Variants in DLC1 observed in about 807,000 individuals in gnomAD.
DLC1 encodes DLC1 Rho GTPase activating protein.
Under a neutral mutation model 140.3 loss-of-function variants are expected in DLC1, and 54 were observed. The observed-to-expected ratio is 0.38, with a 90% CI of 0.31 to 0.48. The LOEUF is 0.48. Ranked by LOEUF, DLC1 falls within the 20% of genes least tolerant of loss-of-function variation. The pLI is 0.96. For missense variants in DLC1, 2,536 were observed against 1,907.0 expected, an observed-to-expected ratio of 1.33 and a Z score of -6.14; for synonymous variants, 986 against 728.1, an observed-to-expected ratio of 1.35 and a Z score of -5.70.
At chr8:13,251,246 A>G (rs1234963538) in intron 5 of DLC1, among the ~76,000 whole-genome samples, 1 of 152,130 alleles carries the variant, frequency 6.6e-6, no homozygotes, top group Non-Finnish European at 1.5e-5. Flanking sequence ...CACTTACCCC[A>G]ATTATCTCCT....
At chr8:13,443,655 C>T (rs1798642185) in intron 2 of DLC1, among the ~76,000 whole-genome samples, 1 of 100,200 alleles carries the variant, frequency 1.0e-5, no homozygotes, top group Admixed American at 1.2e-4. Flanking sequence ...GAGACTCCGT[C>T]TCAAAAAAAA....
chr8:13,251,388 G>A (rs2410043), intron 5 of DLC1, among the ~76,000 whole-genome samples: 38,092 of 151,922 alleles, frequency 0.25, 5,098 homozygotes, highest in South Asian at 0.34. Context: ...TGGCAATTTC[G>A]TACTGGATTG....
chr8:13,360,644 T>A (rs1197279601), intron 4 of DLC1, among the ~76,000 whole-genome samples: 2 of 152,174 alleles, frequency 1.3e-5, no homozygotes, highest in Non-Finnish European at 2.9e-5. Context: ...AAAGACTTAC[T>A]CTGTGTTTTT....
At chr8:13,172,173 T>G (rs1350483604) in intron 5 of DLC1, among the ~76,000 whole-genome samples, 1 of 152,220 alleles carries the variant, frequency 6.6e-6, no homozygotes, top group Non-Finnish European at 1.5e-5. Flanking sequence ...TCTGAAGTAT[T>G]AAAGTGGTAA....
intron 1 of DLC1, among the ~76,000 whole-genome samples, chr8:13,546,439 G>A (rs1803650724): frequency 6.6e-6 from 1 of 151,982 alleles, no homozygotes; most frequent in African/African-American, 2.4e-5. Context: ...CCTTTATATT[G>A]AACTTAACAA....
At chr8:13,118,172 C>T (rs1820740268) in intron 5 of DLC1, among the ~76,000 whole-genome samples, 1 of 151,968 alleles carries the variant, frequency 6.6e-6, no homozygotes, top group South Asian at 2.1e-4. Context: ...CTGTGCCTGG[C>T]TGTCTCTCTT....
intron 2 of DLC1, among the ~76,000 whole-genome samples, chr8:13,427,591 T>C (rs1441136510): frequency 1.3e-5 from 2 of 152,206 alleles, no homozygotes; most frequent in East Asian, 1.9e-4. Context: ...CCTCGAAATA[T>C]TTGATTCATT....
At chr8:13,167,553 T>C (rs1825191111) in intron 5 of DLC1, among the ~76,000 whole-genome samples, 1 of 152,180 alleles carries the variant, frequency 6.6e-6, no homozygotes, top group Admixed American at 6.5e-5. Context: ...TCTTTGTGGC[T>C]TGATGGGTGA....
At chr8:13,089,049 A>G (rs1817813835) in intron 15 of DLC1, among the ~76,000 whole-genome samples, 1 of 152,036 alleles carries the variant, frequency 6.6e-6, no homozygotes, top group South Asian at 2.1e-4. Context: ...ATCTGAGGTC[A>G]GGAGTTCAAG....
At chr8:13,461,767 T>A (rs1799671176) in intron 2 of DLC1, among the ~76,000 whole-genome samples, 1 of 152,174 alleles carries the variant, frequency 6.6e-6, no homozygotes, top group South Asian at 2.1e-4. Context: ...ATCTCACAGC[T>A]AAGTAGTGGC....
At chr8:13,120,233 C>T (rs1221249103) in intron 5 of DLC1, among the ~76,000 whole-genome samples, 16 of 150,030 alleles carry the variant, frequency 1.1e-4, no homozygotes, top group Admixed American at 2.7e-4. Context: ...GTCCCAGCTA[C>T]GCAGGAGGCT....
At chr8:13,414,797 AT>A in intron 2 of DLC1, among the ~76,000 whole-genome samples, 1 of 151,848 alleles carries the variant, frequency 6.6e-6, no homozygotes, top group African/African-American at 2.4e-5. Context: ...CGATGTTATC[AT>A]TTTTTTTGAG....
chr8:13,132,625 C>A lies in DLC1; in HGVS notation c.1349-16968G>T, dbSNP rs1030401661. 8.5e-4 allele frequency among the ~76,000 whole-genome samples: 129 copies of A among 152,248 alleles called. 1 individual carries two copies. Among genetic ancestry groups the A allele is most frequent in the Non-Finnish European group, 1.8e-4 (12 of 68,012 alleles). Reference sequence around the variant, plus strand: ...CGAGCCAGAGCCGCGAGCCCCCGCCCGGCTCAAGGAGGAAAGTGAACCAGG... The same window carrying A: ...CGAGCCAGAGCCGCGAGCCCCCGCCAGGCTCAAGGAGGAAAGTGAACCAGG... On this transcript the variant is annotated intron_variant, in intron 5 of 17. Transcript: ENST00000276297.
intron 5 of DLC1, among the ~76,000 whole-genome samples, chr8:13,253,699 C>A (rs868668274): frequency 1.3e-5 from 2 of 152,168 alleles, no homozygotes; most frequent in South Asian, 4.1e-4. Context: ...GCCTGCTTTC[C>A]CCAGGCTGCA....
chr8:13,241,665 C>G (rs1041763616), intron 5 of DLC1, among the ~76,000 whole-genome samples: 1 of 152,182 alleles, frequency 6.6e-6, no homozygotes, highest in Non-Finnish European at 1.5e-5. Flanking sequence ...GTTTTCAGGG[C>G]TTTCAACAGG....
At chr8:13,577,631 C>A (rs187346114) in intron 1 of DLC1, among the ~76,000 whole-genome samples, 2 of 152,162 alleles carry the variant, frequency 1.3e-5, no homozygotes, top group Admixed American at 1.3e-4. Flanking sequence ...AAAACAAATA[C>A]TTTTATGTTT....
chr8:13,365,254 T>G (rs56281041), intron 4 of DLC1, among the ~76,000 whole-genome samples: 14,016 of 152,208 alleles, frequency 0.092, 723 homozygotes, highest in South Asian at 0.12. Context: ...ATATCTATCC[T>G]TTAGAACAAA....
intron 4 of DLC1, among the ~76,000 whole-genome samples, chr8:13,347,596 G>A (rs918984993): frequency 6.6e-6 from 1 of 152,144 alleles, no homozygotes; most frequent in Admixed American, 6.5e-5. Flanking sequence ...ATAGTCCTAG[G>A]CACCAGAAGA....
chr8:13,518,417 T>C (rs1487767834), upstream of DLC1, among the ~76,000 whole-genome samples: 2 of 152,194 alleles, frequency 1.3e-5, no homozygotes, highest in Non-Finnish European at 2.9e-5. Flanking sequence ...CCTAAAGATC[T>C]CTTTTCTACT....
Sources: gnomAD v4.1 joint callset for allele counts (sites outside exome capture counted in the v4.1 genomes callset) on GRCh38, gnomAD v4.1.1 for gene constraint, MANE v1.5 for transcripts, NCBI Gene and HGNC (gene_info 2026-07-23, HGNC 2026-07-21) for gene names.